Variants in MACROD1 observed in about 807,000 individuals in gnomAD.
MACROD1 encodes the protein ADP-ribose glycohydrolase MACROD1.
In MACROD1, 31 loss-of-function variants were observed where a neutral mutation model predicts 41.4. The observed-to-expected ratio is 0.75, with a 90% CI of 0.56 to 1.01. The LOEUF (loss-of-function observed/expected upper bound fraction) is 1.01, where lower values mean the gene tolerates loss of function less well. MACROD1 is among the 50% of genes least tolerant of loss of function. The probability of loss-of-function intolerance (pLI) is 0.00; values close to 1 mark genes in which losing one functional copy is unlikely to be tolerated. For synonymous variants in MACROD1, 252 were observed against 203.4 expected, an observed-to-expected ratio of 1.24 and a Z score of -2.03; for missense variants, 473 against 460.0, an observed-to-expected ratio of 1.03 and a Z score of -0.26.
At chr11:64,069,254 G>A (rs1309090935) in intron 3 of MACROD1, among the ~76,000 whole-genome samples, 2 of 152,202 alleles carry the variant, frequency 1.3e-5, no homozygotes, top group East Asian at 3.9e-4. Flanking sequence ...AGTTCTACCT[G>A]ACACCGGAGA....
intron 4 of MACROD1, among the ~76,000 whole-genome samples, chr11:64,008,401 G>GAGGCGGGAGGTCCCACGTACACAT (rs147518923): frequency 6.7e-6 from 1 of 148,478 alleles, no homozygotes; most frequent in African/African-American, 2.5e-5. Flanking sequence ...GGCCTGGGGA[G>GAGGCGGGAGGTCCCACGTACACAT]AGGCGCCCAG....
At chr11:64,094,286 G>A (rs1944538952) in intron 3 of MACROD1, among the ~76,000 whole-genome samples, 1 of 152,162 alleles carries the variant, frequency 6.6e-6, no homozygotes, top group African/African-American at 2.4e-5. Flanking sequence ...AAAAAAGTTA[G>A]CCGGGCATGG....
At chr11:64,040,832 G>A (rs1014300371) in intron 3 of MACROD1, among the ~76,000 whole-genome samples, 5 of 152,070 alleles carry the variant, frequency 3.3e-5, no homozygotes, top group African/African-American at 1.2e-4. Context: ...CCCCGGACCC[G>A]GCTGTATGGG....
At chr11:64,155,449 A>G (rs1035619591) in intron 1 of MACROD1, among the ~76,000 whole-genome samples, 9 of 152,198 alleles carry the variant, frequency 5.9e-5, no homozygotes, top group Admixed American at 5.9e-4. Context: ...CACCATGCTC[A>G]GTTTGAAGCC....
intron 3 of MACROD1, among the ~76,000 whole-genome samples, chr11:64,017,416 A>G (rs1427112880): frequency 6.6e-6 from 1 of 152,050 alleles, no homozygotes; most frequent in Non-Finnish European, 1.5e-5. Flanking sequence ...AGGCTTAGGG[A>G]GCTTCAGTCA....
At chr11:64,125,372 C>T (rs1386359603) in intron 3 of MACROD1, among the ~76,000 whole-genome samples, 1 of 152,208 alleles carries the variant, frequency 6.6e-6, no homozygotes, top group African/African-American at 2.4e-5. Flanking sequence ...AGAGTCAGCA[C>T]CTTGCCCTTC....
rs753862841 is a variant in MACROD1, at chr11:64,096,356, C to T, written c.517+54883G>A. Among the ~76,000 whole-genome samples, 7 of 152,058 alleles carry T rather than the reference C, an allele frequency of 4.6e-5. No individual in the cohort carries two copies. Among genetic ancestry groups the T allele is most frequent in the East Asian group, 1.9e-4 (1 of 5,184 alleles). On this transcript the variant is annotated intron_variant, in intron 3 of 10. Transcript: ENST00000255681. This position sits in a 1 kb window ranked among gnomAD's most constrained non-coding sequence, Gnocchi z 4.6. ...GGACACGGTCCCTAATGGGCACGGG[C>T]GACGCATTACAGTGAGGTCTGCCAG...
chr11:64,069,853 CAG>C (rs1280924916), intron 3 of MACROD1, among the ~76,000 whole-genome samples: 1 of 152,194 alleles, frequency 6.6e-6, no homozygotes, highest in African/African-American at 2.4e-5. Flanking sequence ...GCAAATGGTT[CAG>C]AGAGAAAAAA....
rs539592811 is a variant in MACROD1, at chr11:64,145,259, C to T, written c.517+5980G>A. ...AACATGGCTTCCCACCCGTCCCCGC[C>T]GCACACCTGGGCCCCTCAAAGGCTA... On this transcript the variant is annotated intron_variant, in intron 3 of 10. Coordinates refer to ENST00000255681, the MANE Select transcript of MACROD1 (RefSeq NM_014067.4). Among the ~76,000 whole-genome samples, 17 of 152,308 alleles carry T rather than the reference C, an allele frequency of 1.1e-4. No individual in the cohort carries two copies. The South Asian group carries it at 2.7e-3, about 24-fold the overall frequency.
intron 3 of MACROD1, among the ~76,000 whole-genome samples, chr11:64,029,365 G>A (rs1413608945): frequency 6.6e-6 from 1 of 152,174 alleles, no homozygotes; most frequent in Non-Finnish European, 1.5e-5. Context: ...CAGTGACGGG[G>A]TGGGGGGATC....
In MACROD1 at chr11:64,122,594, G is replaced by C. The variant is rs1945116498; in HGVS notation, c.517+28645C>G. On this transcript the variant is annotated intron_variant, in intron 3 of 10. Transcript: ENST00000255681. This position sits in a 1 kb window ranked among gnomAD's most constrained non-coding sequence, Gnocchi z 4.0. ...AGGCAGAGAGCTGAGGAGGGGGTCG[G>C]GGAGATGTTTCCAGAGCGGTGCAGG... Among the ~76,000 whole-genome samples the C allele has an allele frequency of 6.6e-6, 1 of 152,224 alleles. No individual in the cohort carries two copies. Among genetic ancestry groups the C allele is most frequent in the Non-Finnish European group, 1.5e-5 (1 of 68,038 alleles).
intron 3 of MACROD1, among the ~76,000 whole-genome samples, chr11:64,088,142 T>C (rs987694671): frequency 6.6e-6 from 1 of 152,130 alleles, no homozygotes; most frequent in Admixed American, 6.5e-5. Flanking sequence ...CAGAAAGTGC[T>C]CTGCAAAAAT....
Position 63,998,611 on chromosome 11 carries a change from A to C in MACROD1, c.*107T>G, listed in dbSNP as rs1372286454. ...TCGGGGGCGGGGCGCGGAGGGAAAG[A>C]AGGGGTGGCCAGGCCCAGGCCAGGC... On this transcript the variant is annotated 3_prime_UTR_variant, in exon 11 of 11. Transcript: ENST00000255681. 1 of 1,273,366 alleles carries C rather than the reference A, an allele frequency of 7.9e-7. No homozygotes were observed. The highest frequency in any genetic ancestry group is 1.6e-5 in the African/African-American group (1 of 64,428). The allele number at this position is 1,273,366 out of a possible 1,614,324, so 78.9% of individuals were successfully genotyped here. A position where few individuals can be genotyped will look rare whatever the true frequency, so the allele number is the denominator to read the frequency against.
chr11:64,087,064 G>A (rs1215680657), intron 3 of MACROD1: 1 of 152,202 alleles, frequency 6.6e-6, no homozygotes, highest in Non-Finnish European at 1.5e-5. Context: ...GGATGTGTTT[G>A]TCCTCCCACA....
chr11:64,080,971 G>A (rs1944292225), intron 3 of MACROD1, among the ~76,000 whole-genome samples: 1 of 152,176 alleles, frequency 6.6e-6, no homozygotes, highest in Non-Finnish European at 1.5e-5. Flanking sequence ...TGACATTGTT[G>A]AAGTCTGTTT....
intron 3 of MACROD1, among the ~76,000 whole-genome samples, chr11:64,049,529 A>G (rs908099652): frequency 6.6e-6 from 1 of 152,214 alleles, no homozygotes; most frequent in African/African-American, 2.4e-5. Context: ...CTCCAAGGTC[A>G]GCCTCCCCAA....
chr11:64,136,690 G>A (rs1046027255), intron 3 of MACROD1, among the ~76,000 whole-genome samples: 6 of 152,226 alleles, frequency 3.9e-5, no homozygotes, highest in East Asian at 3.8e-4. Context: ...TGAGGGACCC[G>A]GGTGGCTTCC....
intron 3 of MACROD1, among the ~76,000 whole-genome samples, chr11:64,058,415 C>T (rs80111407): frequency 0.16 from 24,378 of 152,258 alleles, 3,390 homozygotes; most frequent in East Asian, 0.4. Context: ...GGGGGGGGTC[C>T]TCCCCTGTAT....
intron 1 of MACROD1, 145 bp from the exon 2 acceptor site, chr11:64,152,538 TG>T (rs3833785): frequency 0.12 from 82,848 of 666,616 alleles, 5,888 homozygotes; most frequent in Non-Finnish European, 0.15. Context: ...GCAGGCATGC[TG>T]GGGAAACCTC....
Sources: allele counts gnomAD v4.1 joint callset (sites outside exome capture counted in the v4.1 genomes callset), GRCh38; gene constraint gnomAD v4.1.1; non-coding constraint Gnocchi (gnomAD v3.1); transcripts MANE v1.5; gene names NCBI Gene and HGNC (gene_info 2026-07-23, HGNC 2026-07-21).